ARHGEF18: variants seen among roughly 807,000 people sequenced by gnomAD.
ARHGEF18 encodes the protein Rho/Rac guanine nucleotide exchange factor 18.
ARHGEF18 carries 93 observed loss-of-function variants against 155.7 expected under a neutral mutation model. The observed-to-expected ratio is 0.60, with a 90% confidence interval of 0.50 to 0.71. ARHGEF18 has a LOEUF of 0.71. Among genes scored for constraint, ARHGEF18 ranks in the 30% least tolerant of loss-of-function variants. ARHGEF18 has a pLI of 0.00. For missense variants in ARHGEF18, 1,593 were observed against 1,816.1 expected, an observed-to-expected ratio of 0.88 and a Z score of 2.23; for synonymous variants, 742 against 753.1, an observed-to-expected ratio of 0.99 and a Z score of 0.24.
chr19:7,457,553 G>C (rs1681618688), intron 18 of ARHGEF18, among the ~76,000 whole-genome samples: 1 of 151,526 alleles, frequency 6.6e-6, no homozygotes, highest in African/African-American at 2.4e-5. Context: ...AGTAGAGATG[G>C]GGTTTCACCA....
intron 15 of ARHGEF18, among the ~76,000 whole-genome samples, chr19:7,450,476 C>T (rs565358958): frequency 0.047 from 23 of 494 alleles, no homozygotes; most frequent in Admixed American, 0.13. Flanking sequence ...TCTTGCTTTC[C>T]GTTTCCGTTT....
chr19:7,401,462 A>T (rs1054111635), intron 10 of ARHGEF18, among the ~76,000 whole-genome samples: 2 of 151,678 alleles, frequency 1.3e-5, no homozygotes, highest in African/African-American at 4.8e-5. Flanking sequence ...ATTTTTTTTT[A>T]TTTTTTGGAG....
At chr19:7,422,315 A>G (rs1973399599) in intron 10 of ARHGEF18, among the ~76,000 whole-genome samples, 1 of 150,626 alleles carries the variant, frequency 6.6e-6, no homozygotes, top group Non-Finnish European at 1.5e-5. Flanking sequence ...CTCTGGCCAC[A>G]CTCTTCTAGC....
downstream of ARHGEF18, chr19:7,476,996 C>T: frequency 2.3e-6 from 1 of 427,774 alleles, no homozygotes; most frequent in Non-Finnish European, 4.1e-6. Context: ...GCTGCTGAAG[C>T]CCTGCACGGC....
intron 27 of ARHGEF18, 105 bp from the exon 28 acceptor site, chr19:7,469,799 A>C: frequency 7.3e-7 from 1 of 1,371,054 alleles, no homozygotes; most frequent in Non-Finnish European, 1.0e-6. Flanking sequence ...GCCCGTGGGA[A>C]GTGTCAGGTG....
At chr19:7,426,330 T>C (rs545474832) in intron 10 of ARHGEF18, among the ~76,000 whole-genome samples, 8 of 150,408 alleles carry the variant, frequency 5.3e-5, no homozygotes, top group Non-Finnish European at 1.2e-4. Context: ...CTACTAAAAA[T>C]AGAAAAATTA....
intron 10 of ARHGEF18, chr19:7,439,637 G>A (rs1974498017): frequency 1.7e-5 from 19 of 1,098,720 alleles, no homozygotes; most frequent in South Asian, 3.3e-5. Context: ...GGAGCCTCGC[G>A]TCCACTTCGA....
rs558844307 is a variant in ARHGEF18 at position 7,359,925 on chromosome 19, T to G, written c.-110-2856T>G. Among the ~76,000 whole-genome samples the G allele has an allele frequency of 2.6e-5, 4 of 151,880 alleles. No homozygotes were observed. In the South Asian group the frequency reaches 8.4e-4, roughly 32 times the overall value. ...ATCCCAGCACTTTGGGAGGCCGAGG[T>G]GGGAGGATCATATGAGACCAGGAGT... On this transcript the variant is annotated intron_variant, in intron 1 of 28. Transcript: ENST00000668164.
At chr19:7,478,496 C>T in the ARHGEF18 span, 2 of 1,031,444 alleles carry the variant, frequency 1.9e-6, no homozygotes, top group Admixed American at 2.0e-5. Flanking sequence ...ACGGCCTGCC[C>T]TCTCCCTGCC....
At position 7,378,428 on chromosome 19, in the gene ARHGEF18, A is replaced by C; in HGVS notation, c.576A>C (p.Lys192Asn). 2 of 1,234,294 alleles carry C rather than the reference A, an allele frequency of 1.6e-6. No homozygotes were observed. Among genetic ancestry groups the C allele is most frequent in the Non-Finnish European group, 2.0e-6 (2 of 988,192 alleles). 76.5% of individuals were successfully genotyped at this position (1,234,294 alleles called of 1,614,324 possible). ...CTCCAGTGCTGGAGTGCATGGAAAAAGACCATGTGGAACCAGATCACGTGT... is the reference window on the plus strand; with the variant it reads ...CTCCAGTGCTGGAGTGCATGGAAAACGACCATGTGGAACCAGATCACGTGT... ...LEPPVLECME[K>N]DHVEPDHVLI... Residue 192 changes from lysine (K) to asparagine (N), a missense_variant, in exon 6 of 29, where the codon AAA becomes AAC. Coordinates refer to ENST00000668164, the MANE Select transcript of ARHGEF18 (RefSeq NM_001367823.1).
intron 10 of ARHGEF18, among the ~76,000 whole-genome samples, chr19:7,413,426 C>T (rs1426203698): frequency 6.6e-6 from 1 of 151,960 alleles, no homozygotes; most frequent in Non-Finnish European, 1.5e-5. Flanking sequence ...CTCAGCCTCC[C>T]AAGTAGCTGG....
chr19:7,465,018 A>G (rs952575518), intron 23 of ARHGEF18, among the ~76,000 whole-genome samples: 4 of 152,206 alleles, frequency 2.6e-5, no homozygotes, highest in Admixed American at 6.5e-5. Context: ...GGTGCCTACC[A>G]GATGCCAGAT....
intron 10 of ARHGEF18, among the ~76,000 whole-genome samples, chr19:7,417,536 A>G (rs537607838): frequency 6.6e-6 from 1 of 152,122 alleles, no homozygotes; most frequent in Non-Finnish European, 1.5e-5. Context: ...CATCTCTACT[A>G]AAAATACAAA....
chr19:7,451,566 A>C (rs1975475707), intron 16 of ARHGEF18, among the ~76,000 whole-genome samples: 1 of 151,548 alleles, frequency 6.6e-6, no homozygotes. Flanking sequence ...ATACGCCACT[A>C]CACACAGTTA....
chr19:7,459,020 A>C (rs1029520361), intron 19 of ARHGEF18, among the ~76,000 whole-genome samples: 1 of 152,088 alleles, frequency 6.6e-6, no homozygotes, highest in African/African-American at 2.4e-5. Flanking sequence ...CAGGGCCCAG[A>C]ACCAGCTGGC....
chr19:7,448,614 TC>T (rs1268545411), intron 15 of ARHGEF18, among the ~76,000 whole-genome samples: 2 of 150,570 alleles, frequency 1.3e-5, no homozygotes, highest in Non-Finnish European at 2.9e-5. Flanking sequence ...TGAGCTGAGA[TC>T]GCACCACTGC....
intron 10 of ARHGEF18, among the ~76,000 whole-genome samples, chr19:7,419,976 C>T (rs533102777): frequency 3.5e-5 from 4 of 112,914 alleles, no homozygotes; most frequent in East Asian, 6.6e-4. Flanking sequence ...ACCCCAGGTG[C>T]GCCCACACTC....
chr19:7,463,758 G>C lies in ARHGEF18; in HGVS notation c.2636-60G>C. ...CCGGGTCTCGCTGCCCCAGCGCTCC[G>C]TATTCCCCCAGCACACTTCCGCAGG... On this transcript the variant is annotated intron_variant, in intron 21 of 28. Coordinates refer to ENST00000668164, the MANE Select transcript of ARHGEF18 (RefSeq NM_001367823.1). This position sits in a 1 kb window ranked among gnomAD's most constrained non-coding sequence, Gnocchi z 5.2. 1 of 1,519,362 alleles carries C rather than the reference G, an allele frequency of 6.6e-7. No homozygotes were observed. Among genetic ancestry groups the C allele is most frequent in the East Asian group, 2.4e-5 (1 of 41,922 alleles). 94.1% of individuals were successfully genotyped at this position (1,519,362 alleles called of 1,614,324 possible).
chr19:7,463,923 C>A lies in ARHGEF18; in HGVS notation c.2741C>A (p.Ala914Glu), dbSNP rs146065096. The A allele has an allele frequency of 1.9e-5, 31 of 1,594,508 alleles. No individual in the cohort carries two copies. The highest frequency in any genetic ancestry group is 2.6e-5 in the Non-Finnish European group (30 of 1,171,122). ...CCGCCCAGGAGGGCTGAGACCTTCG[C>A]GGGCTACGACTGCACAAACAGCCCC... Reference protein sequence around the residue: ...TGPPRRAETFAGYDCTNSPTK... With the variant: ...TGPPRRAETFEGYDCTNSPTK... The change falls in exon 22 of 29, where the codon GCG becomes GAG. Residue 914 changes from alanine to glutamate, a missense_variant. Transcript: ENST00000668164. This position sits in a 1 kb window ranked among gnomAD's most constrained non-coding sequence, Gnocchi z 5.2.
Sources: allele counts gnomAD v4.1 joint callset (sites outside exome capture counted in the v4.1 genomes callset), GRCh38; gene constraint gnomAD v4.1.1; non-coding constraint Gnocchi (gnomAD v3.1); transcripts MANE v1.5; gene names NCBI Gene and HGNC (gene_info 2026-07-23, HGNC 2026-07-21).